The following SLC71A2 variants were observed in gnomAD, a reference collection of about 807,000 sequenced individuals.
The protein encoded by SLC71A2 is solute carrier family 71 member 2.
the SLC71A2 span, among the ~76,000 whole-genome samples, chr9:94,449,498 A>G: frequency 6.6e-6 from 1 of 152,236 alleles, no homozygotes; most frequent in Admixed American, 6.5e-5. Flanking sequence ...GAAGAATAAC[A>G]TTACTAGCCG....
the SLC71A2 span, among the ~76,000 whole-genome samples, chr9:94,384,555 G>A: frequency 6.6e-6 from 1 of 152,104 alleles, no homozygotes; most frequent in Non-Finnish European, 1.5e-5. Context: ...ACCCAGGGTG[G>A]TCTCAAACTC....
chr9:94,456,215 G>T, the SLC71A2 span: 2 of 1,586,156 alleles, frequency 1.3e-6, no homozygotes, highest in South Asian at 2.2e-5. Context: ...CCTGCTGCCT[G>T]ACTGTGCCTG....
the SLC71A2 span, chr9:94,374,980 G>A: frequency 1.7e-6 from 2 of 1,199,438 alleles, no homozygotes; most frequent in Non-Finnish European, 2.1e-6. Flanking sequence ...GCTGGGTGGG[G>A]TCGCACCCAG....
chr9:94,441,591 T>A, the SLC71A2 span, among the ~76,000 whole-genome samples: 279 of 152,350 alleles, frequency 1.8e-3, no homozygotes, highest in African/African-American at 6.4e-3. Context: ...GATTTGTTTC[T>A]TGTTATCTGA....
chr9:94,386,108 CTTTA>C, the SLC71A2 span, among the ~76,000 whole-genome samples: 4 of 151,896 alleles, frequency 2.6e-5, no homozygotes. Context: ...ACATAAATGT[CTTTA>C]TTTAGGTGAA....
the SLC71A2 span, chr9:94,453,992 G>T: frequency 6.2e-7 from 1 of 1,613,964 alleles, no homozygotes; most frequent in African/African-American, 1.3e-5. Flanking sequence ...AGATCATTAG[G>T]AAATAAGAAT....
the SLC71A2 span, among the ~76,000 whole-genome samples, chr9:94,407,719 A>C: frequency 7.9e-5 from 12 of 151,520 alleles, no homozygotes; most frequent in Non-Finnish European, 1.6e-4. Context: ...TTTTTAGAGT[A>C]TGGCAGTACT....
the SLC71A2 span, among the ~76,000 whole-genome samples, chr9:94,405,446 C>A: frequency 2.1e-5 from 3 of 143,868 alleles, no homozygotes; most frequent in Non-Finnish European, 4.5e-5. Context: ...TTGCAGTGAG[C>A]GGAAATCGTG....
chr9:94,383,871 G>A, the SLC71A2 span, among the ~76,000 whole-genome samples: 1 of 151,506 alleles, frequency 6.6e-6, no homozygotes, highest in Admixed American at 6.6e-5. Flanking sequence ...AGATTATTCC[G>A]TTTCATATTT....
chr9:94,452,789 G>C, the SLC71A2 span, among the ~76,000 whole-genome samples: 4 of 149,806 alleles, frequency 2.7e-5, no homozygotes, highest in Admixed American at 6.7e-5. Context: ...AGTGAGTAGA[G>C]AGCATTAACC....
At chr9:94,452,367 C>G in the SLC71A2 span, among the ~76,000 whole-genome samples, 1 of 152,124 alleles carries the variant, frequency 6.6e-6, no homozygotes, top group East Asian at 1.9e-4. Flanking sequence ...GAGGCCAAGG[C>G]AGGTGGATCA....
At chr9:94,455,514 C>T in the SLC71A2 span, among the ~76,000 whole-genome samples, 2 of 151,794 alleles carry the variant, frequency 1.3e-5, no homozygotes, top group South Asian at 2.1e-4. Context: ...TGTCCCTAGC[C>T]GTCTGTGACT....
the SLC71A2 span, chr9:94,459,542 C>A: frequency 3.6e-6 from 3 of 836,742 alleles, no homozygotes; most frequent in Non-Finnish European, 5.4e-6. Flanking sequence ...TGATAAATAC[C>A]ACCGCCATCA....
At chr9:94,408,922 G>A in the SLC71A2 span, among the ~76,000 whole-genome samples, 3 of 150,318 alleles carry the variant, frequency 2.0e-5, no homozygotes, top group Middle Eastern at 3.4e-3. Context: ...TGCCTCCTGG[G>A]TTCAAGCGAT....
the SLC71A2 span, among the ~76,000 whole-genome samples, chr9:94,425,145 A>C: frequency 0.48 from 72,748 of 150,646 alleles, 17,838 homozygotes; most frequent in East Asian, 0.59. Context: ...GAAACCCCAT[A>C]TCTACTAAAT....
chr9:94,460,555 T>C, the SLC71A2 span: 1 of 152,626 alleles, frequency 6.6e-6, no homozygotes, highest in Admixed American at 6.5e-5. Flanking sequence ...CAAAGAAAAC[T>C]TTACAGATTT....
the SLC71A2 span, among the ~76,000 whole-genome samples, chr9:94,425,849 C>G: frequency 6.6e-6 from 1 of 152,000 alleles, no homozygotes; most frequent in South Asian, 2.1e-4. Flanking sequence ...ATGCTATGCC[C>G]AGGAATGAAC....
the SLC71A2 span, among the ~76,000 whole-genome samples, chr9:94,383,784 C>G: frequency 6.6e-6 from 1 of 151,704 alleles, no homozygotes; most frequent in African/African-American, 2.4e-5. Context: ...TAGTATCTCT[C>G]CATTTATTTT....
chr9:94,431,497 A>AT, the SLC71A2 span, among the ~76,000 whole-genome samples: 5 of 146,982 alleles, frequency 3.4e-5, no homozygotes, highest in African/African-American at 1.3e-4. Context: ...CATTTTATTT[A>AT]TTTTTTATCA....
Sources: gnomAD v4.1 joint callset for allele counts (sites outside exome capture counted in the v4.1 genomes callset) on GRCh38, gnomAD v4.1.1 for gene constraint, MANE v1.5 for transcripts, NCBI Gene and HGNC (gene_info 2026-07-23, HGNC 2026-07-21) for gene names.